The following PRKCD variants were observed in gnomAD, a reference collection of about 807,000 sequenced individuals.
PRKCD encodes the protein protein kinase C delta, also known as protein kinase C delta type.
A neutral mutation model predicts 82.2 loss-of-function variants in PRKCD; 20 were observed. That is an observed-to-expected ratio of 0.24 (90% CI 0.17 to 0.35). PRKCD has a LOEUF of 0.35. Ranked by LOEUF, PRKCD falls within the 10% of genes least tolerant of loss-of-function variation. PRKCD has a pLI of 1.00. For missense variants in PRKCD, 607 were observed against 899.0 expected, an observed-to-expected ratio of 0.68 and a Z score of 4.15; for synonymous variants, 317 against 337.0, an observed-to-expected ratio of 0.94 and a Z score of 0.65.
At chr3:53,186,386 C>G (rs537079235) in intron 13 of PRKCD, 46 bp downstream of exon 13, 1 of 1,607,760 alleles carries the variant, frequency 6.2e-7, no homozygotes, top group South Asian at 1.1e-5. Flanking sequence ...CAGCCATGTC[C>G]CACAGCTCCT....
chr3:53,183,269 C>T (rs1047189939), intron 8 of PRKCD, 63 bp downstream of exon 8: 4 of 1,582,616 alleles, frequency 2.5e-6, no homozygotes, highest in East Asian at 4.5e-5. Flanking sequence ...GAGGGATTTG[C>T]ACCCTCTCCC....
intron 2 of PRKCD, among the ~76,000 whole-genome samples, chr3:53,167,995 A>G (rs1333135241): frequency 6.6e-6 from 1 of 152,234 alleles, no homozygotes; most frequent in Non-Finnish European, 1.5e-5. Flanking sequence ...GGGAGAAAAT[A>G]GATCTCGTGA....
At chr3:53,180,022 G>A (rs782709691) in intron 4 of PRKCD, among the ~76,000 whole-genome samples, 2 of 152,204 alleles carry the variant, frequency 1.3e-5, no homozygotes, top group Non-Finnish European at 2.9e-5. Flanking sequence ...AAGGGAAGGC[G>A]CTACTAAATG....
chr3:53,185,719 C>T lies in PRKCD; in HGVS notation c.985+19C>T, dbSNP rs782287446. The T allele has an allele frequency of 3.1e-6, 5 of 1,609,034 alleles. No homozygotes were observed. Among genetic ancestry groups the T allele is most frequent in the Admixed American group, 3.3e-5 (2 of 60,024 alleles). ...ATGCAAGGTGAAGCTGGGTCCATTG[C>T]CCCATTACGGTTTTTATTCCCCCTG... On this transcript the variant is annotated intron_variant, in intron 11 of 18. Coordinates refer to ENST00000330452, the MANE Select transcript of PRKCD (RefSeq NM_006254.4).
At chr3:53,177,754 G>A (rs1320717473) in intron 2 of PRKCD, among the ~76,000 whole-genome samples, 2 of 151,926 alleles carry the variant, frequency 1.3e-5, no homozygotes, top group Non-Finnish European at 2.9e-5. Context: ...GGTGACAGAT[G>A]CAAATGCCAC....
At chr3:53,176,978 C>T (rs1053698100) in intron 2 of PRKCD, among the ~76,000 whole-genome samples, 17 of 152,194 alleles carry the variant, frequency 1.1e-4, no homozygotes, top group African/African-American at 3.4e-4. Flanking sequence ...TATAGGCATG[C>T]GCCACCACGC....
At chr3:53,183,074 C>T in intron 7 of PRKCD, 47 bp from the exon 8 acceptor site, 20 of 1,595,160 alleles carry the variant, frequency 1.3e-5, no homozygotes, top group Non-Finnish European at 1.7e-5. Context: ...AGACTCTGCC[C>T]CTCCCGGTGC....
At chr3:53,166,688 A>G (rs1702843377) in intron 2 of PRKCD, among the ~76,000 whole-genome samples, 1 of 152,258 alleles carries the variant, frequency 6.6e-6, no homozygotes. Context: ...GTCCCTGGTC[A>G]GAGTTACAGC....
At chr3:53,185,395 T>C (rs543567136) in intron 10 of PRKCD, among the ~76,000 whole-genome samples, 1 of 152,380 alleles carries the variant, frequency 6.6e-6, no homozygotes, top group South Asian at 2.1e-4. Flanking sequence ...CTTCTGTTTG[T>C]AATCAGAGCC....
At chr3:53,162,599 G>A (rs1420186783) in intron 1 of PRKCD, among the ~76,000 whole-genome samples, 2 of 152,134 alleles carry the variant, frequency 1.3e-5, no homozygotes, top group East Asian at 3.9e-4. Flanking sequence ...TGACTTGCTT[G>A]TGTGTATGTG....
chr3:53,190,707 C>A (rs1490948044), intron 18 of PRKCD, among the ~76,000 whole-genome samples: 1 of 152,220 alleles, frequency 6.6e-6, no homozygotes, highest in East Asian at 1.9e-4. Context: ...ACAGTTCTTC[C>A]TTCCCACTCC....
intron 2 of PRKCD, among the ~76,000 whole-genome samples, chr3:53,168,799 G>A (rs186902972): frequency 2.7e-5 from 4 of 146,924 alleles, no homozygotes; most frequent in African/African-American, 7.6e-5. Context: ...GAAAGGCAGC[G>A]CCTGCCCGAG....
intron 2 of PRKCD, among the ~76,000 whole-genome samples, chr3:53,174,845 A>C (rs1382609683): frequency 2.0e-5 from 3 of 152,206 alleles, no homozygotes; most frequent in African/African-American, 7.2e-5. Flanking sequence ...GCAGCCTGGC[A>C]GTGCAGGTTT....
At chr3:53,177,946 C>CT (rs55779744) in intron 2 of PRKCD, among the ~76,000 whole-genome samples, 47,718 of 134,896 alleles carry the variant, frequency 0.35, 9,863 homozygotes, top group Non-Finnish European at 0.45. Flanking sequence ...TTTTCTTTTT[C>CT]TTTTTTTTTT....
chr3:53,184,117 G>C (rs547413910), intron 9 of PRKCD, among the ~76,000 whole-genome samples: 1 of 151,994 alleles, frequency 6.6e-6, no homozygotes, highest in South Asian at 2.1e-4. Context: ...CGGATCATGA[G>C]GTTAGGAGAT....
chr3:53,172,603 T>C (rs140037874), intron 2 of PRKCD, among the ~76,000 whole-genome samples: 2 of 152,278 alleles, frequency 1.3e-5, no homozygotes, highest in African/African-American at 4.8e-5. Context: ...GTGGCAGGTG[T>C]CAGGTGTGTG....
chr3:53,181,413 A>C, intron 5 of PRKCD, 31 bp from the exon 6 acceptor site: 1 of 1,613,780 alleles, frequency 6.2e-7, no homozygotes, highest in Non-Finnish European at 8.5e-7. Context: ...TCCAGATACC[A>C]GGGCTGACTT....
rs540409322 is a variant in PRKCD, at chr3:53,184,141, G to C, written c.787+560G>C. On this transcript the variant is annotated intron_variant, in intron 9 of 18. Coordinates refer to ENST00000330452, the MANE Select transcript of PRKCD (RefSeq NM_006254.4). ...AGGTTAGGAGATCGAGACCATCCTG[G>C]CTAACATGGTGAAACCCTGTCTCTA... 3.3e-5 allele frequency among the ~76,000 whole-genome samples: 5 copies of C among 151,086 alleles called. No homozygotes were observed. In the East Asian group the frequency reaches 5.9e-4, roughly 18 times the overall value.
At chr3:53,180,892 C>CT in intron 4 of PRKCD, among the ~76,000 whole-genome samples, 2 of 152,252 alleles carry the variant, frequency 1.3e-5, no homozygotes, top group South Asian at 4.1e-4. Context: ...AAGATCCTTG[C>CT]TAAGGGAGCT....
Sources: allele counts gnomAD v4.1 joint callset (sites outside exome capture counted in the v4.1 genomes callset), GRCh38; gene constraint gnomAD v4.1.1; transcripts MANE v1.5; gene names NCBI Gene and HGNC (gene_info 2026-07-23, HGNC 2026-07-21).